TBC1D9: variants seen among roughly 807,000 people sequenced by gnomAD.
TBC1D9 encodes TBC1 domain family member 9.
TBC1D9 carries 63 observed loss-of-function variants against 132.0 expected under a neutral mutation model. That is an observed-to-expected ratio of 0.48 (90% confidence interval 0.39 to 0.59). The LOEUF is 0.59. Among genes scored for constraint, TBC1D9 ranks in the 20% least tolerant of loss-of-function variants. The pLI, the probability that TBC1D9 is intolerant of heterozygous loss-of-function variation, is 0.00. For missense variants in TBC1D9, 1,261 were observed against 1,592.7 expected, an observed-to-expected ratio of 0.79 and a Z score of 3.54; for synonymous variants, 610 against 609.9, an observed-to-expected ratio of 1.00 and a Z score of 0.00.
intron 2 of TBC1D9, among the ~76,000 whole-genome samples, chr4:140,689,753 CT>C (rs796339181): frequency 1.2e-3 from 130 of 111,806 alleles, no homozygotes; most frequent in Non-Finnish European, 1.7e-3. Context: ...CCTCCCACCC[CT>C]TTTTTTTTTT....
chr4:140,623,123 C>T (rs1394759864), intron 20 of TBC1D9, among the ~76,000 whole-genome samples: 1 of 152,092 alleles, frequency 6.6e-6, no homozygotes, highest in African/African-American at 2.4e-5. Context: ...CTCTCTTTGT[C>T]GCCCAGGCTG....
intron 1 of TBC1D9, among the ~76,000 whole-genome samples, chr4:140,705,520 G>GTGTGTA (rs1358560910): frequency 7.3e-6 from 1 of 136,260 alleles, no homozygotes; most frequent in African/African-American, 3.7e-5. Context: ...GCATGTGTGT[G>GTGTGTA]TGTGTGTGTG....
intron 1 of TBC1D9, among the ~76,000 whole-genome samples, chr4:140,728,222 A>G (rs1054242163): frequency 1.3e-5 from 2 of 152,178 alleles, no homozygotes; most frequent in Non-Finnish European, 2.9e-5. Context: ...GTTCCACCAA[A>G]TGCAATGCAC....
At chr4:140,654,635 A>T (rs1297523452) in intron 13 of TBC1D9, among the ~76,000 whole-genome samples, 1 of 152,220 alleles carries the variant, frequency 6.6e-6, no homozygotes, top group Non-Finnish European at 1.5e-5. Context: ...TCTTGCTTAC[A>T]TCATACAGTA....
In TBC1D9 at chr4:140,678,911, G is replaced by A. The variant is rs779356684; in HGVS notation, c.851+31C>T. 8.1e-6 allele frequency: 13 copies of A among 1,605,276 alleles called. 1 individual carries two copies. Among genetic ancestry groups the A allele is most frequent in the Middle Eastern group, 3.3e-4 (2 of 6,040 alleles). ...AATGAGTGAGTTTCTCATTTCTAAA[G>A]TCTGGAAGATACAAGGTCTCTATCA... On this transcript the variant is annotated intron_variant, in intron 5 of 20. Coordinates refer to ENST00000442267, the MANE Select transcript of TBC1D9 (RefSeq NM_015130.3).
intron 9 of TBC1D9, among the ~76,000 whole-genome samples, chr4:140,667,619 C>G (rs970158987): frequency 2.0e-5 from 3 of 152,066 alleles, no homozygotes; most frequent in Admixed American, 2.0e-4. Context: ...GAAAATGAGG[C>G]CAGGCACAGT....
intron 9 of TBC1D9, among the ~76,000 whole-genome samples, chr4:140,666,466 G>A (rs1036564736): frequency 2.6e-5 from 4 of 152,162 alleles, no homozygotes; most frequent in African/African-American, 9.6e-5. Context: ...CTCCCGAGTA[G>A]CTGGGACTAC....
chr4:140,735,473 A>G (rs1416929812), intron 1 of TBC1D9, among the ~76,000 whole-genome samples: 2 of 152,156 alleles, frequency 1.3e-5, no homozygotes, highest in Non-Finnish European at 2.9e-5. Context: ...ATACTTTGGG[A>G]CATTGAGGCA....
chr4:140,719,272 A>G (rs759284783), intron 1 of TBC1D9, among the ~76,000 whole-genome samples: 10 of 152,092 alleles, frequency 6.6e-5, no homozygotes, highest in Non-Finnish European at 1.2e-4. Context: ...GGGATATTTC[A>G]TCTTCCCTGC....
At chr4:140,681,329 T>G (rs1255542162) in intron 3 of TBC1D9, among the ~76,000 whole-genome samples, 2 of 152,194 alleles carry the variant, frequency 1.3e-5, no homozygotes, top group African/African-American at 4.8e-5. Flanking sequence ...TCCCCCCACA[T>G]GAAGTAATGT....
rs149449722 is a variant in TBC1D9, at chr4:140,698,278, C to A, written c.241+3226G>T. ...AAGTCTGTCCAGGTCAGAGTCCCAG[C>A]TTCCTCTTCCTTAATCCTTTATCAC... On this transcript the variant is annotated intron_variant, in intron 2 of 20. Coordinates refer to ENST00000442267, the MANE Select transcript of TBC1D9 (RefSeq NM_015130.3). Among the ~76,000 whole-genome samples the A allele has an allele frequency of 5.1e-3, 781 of 152,244 alleles. 7 individuals carry two copies. The highest frequency in any genetic ancestry group is 6.7e-3 in the Non-Finnish European group (454 of 68,028).
intron 13 of TBC1D9, among the ~76,000 whole-genome samples, chr4:140,647,473 A>G (rs1343278122): frequency 6.6e-6 from 1 of 152,232 alleles, no homozygotes; most frequent in Non-Finnish European, 1.5e-5. Context: ...CTAATTACCT[A>G]TGTGAGTGGG....
chr4:140,667,255 A>C (rs1454525422), intron 9 of TBC1D9, among the ~76,000 whole-genome samples: 1 of 152,074 alleles, frequency 6.6e-6, no homozygotes, highest in Non-Finnish European at 1.5e-5. Context: ...CTGCGGTCTC[A>C]CATGGTCCAT....
intron 1 of TBC1D9, among the ~76,000 whole-genome samples, chr4:140,711,471 A>G (rs940397987): frequency 1.3e-5 from 2 of 152,190 alleles, no homozygotes; most frequent in African/African-American, 4.8e-5. Context: ...CAGGAAGGCC[A>G]CATTTGCAGA....
rs989131034 is a variant in TBC1D9 at position 140,696,184 on chromosome 4, G to T, written c.241+5320C>A. 6.0e-5 allele frequency among the ~76,000 whole-genome samples: 4 copies of T among 66,440 alleles called. No individual in the cohort carries two copies. In the East Asian group the frequency reaches 2.5e-3, roughly 41 times the overall value. The allele number at this position is 66,440 out of a possible 152,430, so 43.6% of individuals were successfully genotyped here. On this transcript the variant is annotated intron_variant, in intron 2 of 20. Coordinates refer to ENST00000442267, the MANE Select transcript of TBC1D9 (RefSeq NM_015130.3). ...AAGATAAAAAAGAGGCGGGCCAGGC[G>T]TGATGGCTCACGCCTGTAATCCCAG...
chr4:140,620,905 A>G lies in TBC1D9; in HGVS notation c.*1290T>C, dbSNP rs1175399715. 6.5e-6 allele frequency: 1 copy of G among 152,680 alleles called. No individual in the cohort carries two copies. The highest frequency in any genetic ancestry group is 1.5e-5 in the Non-Finnish European group (1 of 68,042). The allele number at this position is 152,680 out of a possible 1,614,324, so 9.5% of individuals were successfully genotyped here. ...AAAACAACAGCAGCAATAGCTAAAA[A>G]AAGGACACAATGTATAATAAAATAA... is the stretch of plus-strand genomic sequence containing the variant. On this transcript the variant is annotated 3_prime_UTR_variant, in exon 21 of 21. Coordinates refer to ENST00000442267, the MANE Select transcript of TBC1D9 (RefSeq NM_015130.3).
intron 1 of TBC1D9, among the ~76,000 whole-genome samples, chr4:140,717,027 G>C (rs1484767130): frequency 2.0e-5 from 3 of 151,810 alleles, no homozygotes; most frequent in African/African-American, 7.3e-5. Context: ...TGAAAGACTT[G>C]GGTTATATCA....
At chr4:140,712,514 G>A (rs1052247996) in intron 1 of TBC1D9, among the ~76,000 whole-genome samples, 10 of 140,430 alleles carry the variant, frequency 7.1e-5, no homozygotes, top group Non-Finnish European at 9.0e-5. Flanking sequence ...AGGCCCAGGC[G>A]GGCAAATCAC....
chr4:140,688,353 T>TAAAATTGA, intron 2 of TBC1D9, among the ~76,000 whole-genome samples: 2 of 152,200 alleles, frequency 1.3e-5, no homozygotes, highest in South Asian at 4.1e-4. Flanking sequence ...TCAAATTCTG[T>TAAAATTGA]AAAATTGAGA....
Sources: allele counts gnomAD v4.1 joint callset (sites outside exome capture counted in the v4.1 genomes callset), GRCh38; gene constraint gnomAD v4.1.1; transcripts MANE v1.5; gene names NCBI Gene and HGNC (gene_info 2026-07-23, HGNC 2026-07-21).